The following ITGA1 variants were observed in gnomAD, a reference collection of about 807,000 sequenced individuals.
The protein encoded by ITGA1 is integrin subunit alpha 1.
Under a neutral mutation model 145.9 loss-of-function variants are expected in ITGA1, and 85 were observed. The observed-to-expected ratio is 0.58, with a 90% CI of 0.49 to 0.70. The LOEUF is 0.70. Among genes scored for constraint, ITGA1 ranks in the 30% least tolerant of loss-of-function variants. ITGA1 has a pLI of 0.00. For synonymous variants in ITGA1, 520 were observed against 495.3 expected, an observed-to-expected ratio of 1.05 and a Z score of -0.66; for missense variants, 1,351 against 1,418.7, an observed-to-expected ratio of 0.95 and a Z score of 0.77.
At chr5:52,847,387 G>A (rs1167363981) in intron 1 of ITGA1, among the ~76,000 whole-genome samples, 1 of 152,126 alleles carries the variant, frequency 6.6e-6, no homozygotes, top group Non-Finnish European at 1.5e-5. Context: ...ATATTAGAGT[G>A]ATTTAATCCA....
At chr5:52,842,854 T>A (rs575090817) in intron 1 of ITGA1, among the ~76,000 whole-genome samples, 1 of 148,358 alleles carries the variant, frequency 6.7e-6, no homozygotes, top group African/African-American at 2.6e-5. Flanking sequence ...CCCAGCTAAT[T>A]TTTTTTAATG....
chr5:52,921,918 A>G (rs1326382162), intron 17 of ITGA1, among the ~76,000 whole-genome samples: 2 of 152,230 alleles, frequency 1.3e-5, no homozygotes, highest in African/African-American at 4.8e-5. Flanking sequence ...TATAAAGCTC[A>G]TAATTTTGAA....
intron 14 of ITGA1, among the ~76,000 whole-genome samples, chr5:52,912,712 G>T (rs1188117179): frequency 8.7e-5 from 1 of 11,472 alleles, no homozygotes; most frequent in Non-Finnish European, 2.0e-4. Flanking sequence ...TATATATATA[G>T]TGTGTGTGTG....
chr5:52,844,219 G>A (rs1237146162), intron 1 of ITGA1, among the ~76,000 whole-genome samples: 1 of 152,084 alleles, frequency 6.6e-6, no homozygotes, highest in Non-Finnish European at 1.5e-5. Flanking sequence ...AGTTCTAGCT[G>A]AAGTCCTTCA....
At chr5:52,905,467 G>T (rs924420328) in intron 11 of ITGA1, 9 of 213,384 alleles carry the variant, frequency 4.2e-5, no homozygotes, top group Non-Finnish European at 7.4e-5. Flanking sequence ...TACAAATTGG[G>T]GTGGGGATGT....
chr5:52,915,153 A>G (rs1579717949), intron 14 of ITGA1, among the ~76,000 whole-genome samples: 1 of 152,308 alleles, frequency 6.6e-6, no homozygotes, highest in East Asian at 1.9e-4. Flanking sequence ...GGGATTGGCT[A>G]GGAAGCAGAA....
chr5:52,896,594 A>C (rs1750229788), intron 9 of ITGA1, among the ~76,000 whole-genome samples: 1 of 152,186 alleles, frequency 6.6e-6, no homozygotes, highest in South Asian at 2.1e-4. Context: ...GAAAGGGCAG[A>C]CTGACTTTCT....
Position 52,929,616 on chromosome 5 carries a change from A to T in ITGA1, c.2695-9A>T, listed in dbSNP as rs201440134. On this transcript the variant is annotated splice_polypyrimidine_tract_variant and intron_variant, in intron 20 of 28. Coordinates refer to ENST00000282588, the MANE Select transcript of ITGA1 (RefSeq NM_181501.2). ...TATCTGTTACTAAAGACATATTTTT[A>T]TTTTATAGGTAACTTTCAAAATATT... The T allele has an allele frequency of 7.1e-7, 1 of 1,414,912 alleles. No homozygotes were observed. The highest frequency in any genetic ancestry group is 2.3e-5 in the East Asian group (1 of 43,736). The allele number at this position is 1,414,912 out of a possible 1,614,324, so 87.6% of individuals were successfully genotyped here. A position where few individuals can be genotyped will look rare whatever the true frequency, so the allele number is the denominator to read the frequency against.
At chr5:52,852,964 C>G (rs1309540473) in intron 2 of ITGA1, among the ~76,000 whole-genome samples, 3 of 152,160 alleles carry the variant, frequency 2.0e-5, no homozygotes, top group Non-Finnish European at 4.4e-5. Context: ...TACACTCAGT[C>G]TTGTGCCTTT....
intron 1 of ITGA1, among the ~76,000 whole-genome samples, chr5:52,789,023 C>T (rs765237744): frequency 8.5e-5 from 13 of 152,170 alleles, no homozygotes; most frequent in Non-Finnish European, 1.6e-4. Context: ...GTAAATATCA[C>T]AGGGCAGTCT....
chr5:52,891,192 G>A (rs575437170), intron 8 of ITGA1, among the ~76,000 whole-genome samples: 1 of 151,570 alleles, frequency 6.6e-6, no homozygotes, highest in Admixed American at 6.6e-5. Context: ...AATAAACAGG[G>A]GAGTGCAGAT....
intron 11 of ITGA1, among the ~76,000 whole-genome samples, chr5:52,901,407 T>G (rs1750311880): frequency 6.6e-6 from 1 of 152,192 alleles, no homozygotes; most frequent in African/African-American, 2.4e-5. Context: ...GCCACCAACT[T>G]GTGGTAATTT....
chr5:52,936,999 A>C (rs1430228239), intron 23 of ITGA1, among the ~76,000 whole-genome samples: 1 of 151,962 alleles, frequency 6.6e-6, no homozygotes, highest in African/African-American at 2.4e-5. Context: ...CAAAAATCTA[A>C]ATTGTTCCGT....
intron 1 of ITGA1, among the ~76,000 whole-genome samples, chr5:52,847,383 G>C (rs1749353888): frequency 6.6e-6 from 1 of 152,154 alleles, no homozygotes; most frequent in Admixed American, 6.5e-5. Context: ...TAAAATATTA[G>C]AGTGATTTAA....
At chr5:52,888,083 T>G in intron 8 of ITGA1, 118 bp downstream of exon 8, 1 of 1,049,528 alleles carries the variant, frequency 9.5e-7, no homozygotes, top group South Asian at 1.7e-5. Context: ...GGTCTCCATT[T>G]GAAGGTAAGC....
intron 2 of ITGA1, among the ~76,000 whole-genome samples, chr5:52,857,774 C>A (rs73754053): frequency 0.28 from 41,865 of 152,092 alleles, 6,057 homozygotes; most frequent in South Asian, 0.39. Flanking sequence ...GGGCCTCAAC[C>A]ATGCTCATAT....
At chr5:52,791,777 GA>G (rs1367812360) in intron 1 of ITGA1, among the ~76,000 whole-genome samples, 6 of 151,508 alleles carry the variant, frequency 4.0e-5, no homozygotes, top group African/African-American at 7.3e-5. Context: ...AAAAAGAAAA[GA>G]AAAAATTAAA....
intron 2 of ITGA1, among the ~76,000 whole-genome samples, chr5:52,852,835 T>C (rs932836848): frequency 1.4e-4 from 21 of 152,100 alleles, no homozygotes; most frequent in African/African-American, 3.9e-4. Context: ...AACAACTAAA[T>C]CTAGTTTAAC....
chr5:52,817,645 G>A (rs1029899855), intron 1 of ITGA1, among the ~76,000 whole-genome samples: 3 of 152,062 alleles, frequency 2.0e-5, no homozygotes, highest in African/African-American at 7.2e-5. Context: ...GTGCACCAAA[G>A]ATTAAAAATA....
Sources: allele counts gnomAD v4.1 joint callset (sites outside exome capture counted in the v4.1 genomes callset), GRCh38; gene constraint gnomAD v4.1.1; transcripts MANE v1.5; gene names NCBI Gene and HGNC (gene_info 2026-07-23, HGNC 2026-07-21).